CWC27: variants seen among roughly 807,000 people sequenced by gnomAD.
CWC27 encodes the protein CWC27 spliceosome associated cyclophilin, also known as spliceosome-associated protein CWC27 homolog.
CWC27 carries 47 observed loss-of-function variants against 63.6 expected under a neutral mutation model. The observed-to-expected ratio is 0.74, with a 90% CI of 0.58 to 0.94. CWC27 has a LOEUF of 0.94. Among genes scored for constraint, CWC27 ranks in the 40% least tolerant of loss-of-function variants. CWC27 has a pLI of 0.00. For synonymous variants in CWC27, 175 were observed against 179.8 expected, an observed-to-expected ratio of 0.97 and a Z score of 0.22; for missense variants, 495 against 554.3, an observed-to-expected ratio of 0.89 and a Z score of 1.07.
intron 11 of CWC27, among the ~76,000 whole-genome samples, chr5:64,938,407 T>C (rs1286884906): frequency 6.6e-6 from 1 of 152,168 alleles, no homozygotes; most frequent in Non-Finnish European, 1.5e-5. Flanking sequence ...GAAAATTCTT[T>C]TCCTTAAGAA....
intron 13 of CWC27, among the ~76,000 whole-genome samples, chr5:64,998,884 T>C (rs1341605847): frequency 6.6e-6 from 1 of 152,026 alleles, no homozygotes; most frequent in Non-Finnish European, 1.5e-5. Flanking sequence ...TTTTGTTTTT[T>C]TACCATTTGT....
chr5:64,878,256 T>A (rs1433034850), intron 10 of CWC27, among the ~76,000 whole-genome samples: 1 of 151,674 alleles, frequency 6.6e-6, no homozygotes. Flanking sequence ...TAAGTTGACA[T>A]TAGTTTTAAA....
At chr5:64,903,811 A>G (rs1747563233) in intron 11 of CWC27, among the ~76,000 whole-genome samples, 1 of 152,164 alleles carries the variant, frequency 6.6e-6, no homozygotes, top group African/African-American at 2.4e-5. Flanking sequence ...AGTTTCACCC[A>G]TTATTAATAT....
At chr5:64,994,273 C>T (rs1453213701) in intron 13 of CWC27, among the ~76,000 whole-genome samples, 2 of 152,014 alleles carry the variant, frequency 1.3e-5, no homozygotes, top group Non-Finnish European at 2.9e-5. Flanking sequence ...AGTATACTGT[C>T]AACATTTTTC....
At chr5:64,818,104 GATAA>G (rs1384750683) in intron 10 of CWC27, among the ~76,000 whole-genome samples, 1 of 152,030 alleles carries the variant, frequency 6.6e-6, no homozygotes, top group Non-Finnish European at 1.5e-5. Context: ...AAAATTATAT[GATAA>G]TTGGTGGGTT....
chr5:64,934,681 G>A (rs1748308632), intron 11 of CWC27, among the ~76,000 whole-genome samples: 1 of 151,990 alleles, frequency 6.6e-6, no homozygotes, highest in Admixed American at 6.6e-5. Flanking sequence ...TCACCACACT[G>A]TCTTCCACAA....
intron 13 of CWC27, among the ~76,000 whole-genome samples, chr5:64,985,991 A>C (rs1317621185): frequency 1.3e-5 from 2 of 152,038 alleles, no homozygotes; most frequent in African/African-American, 2.4e-5. Flanking sequence ...GATCATTGGG[A>C]TGGTTTCCCC....
At chr5:64,797,037 A>C (rs373409195) in intron 7 of CWC27, among the ~76,000 whole-genome samples, 2 of 137,944 alleles carry the variant, frequency 1.4e-5, no homozygotes, top group African/African-American at 5.5e-5. Flanking sequence ...GTTCTTGGAT[A>C]TGAAGTTCCA....
intron 13 of CWC27, among the ~76,000 whole-genome samples, chr5:64,990,205 A>C (rs981835505): frequency 1.4e-5 from 2 of 146,440 alleles, no homozygotes; most frequent in African/African-American, 2.5e-5. Context: ...ATTATGCTTT[A>C]TGTAGCCTTT....
intron 11 of CWC27, among the ~76,000 whole-genome samples, chr5:64,946,643 A>G (rs536205088): frequency 3.3e-5 from 5 of 151,672 alleles, no homozygotes; most frequent in African/African-American, 1.2e-4. Context: ...GAATGAATAC[A>G]TCTATGTTGA....
At chr5:64,970,122 T>C (rs1749090035) in intron 11 of CWC27, among the ~76,000 whole-genome samples, 1 of 152,144 alleles carries the variant, frequency 6.6e-6, no homozygotes, top group Non-Finnish European at 1.5e-5. Flanking sequence ...TGCTTGCTCT[T>C]TATCCCAGGA....
chr5:64,945,356 A>T (rs1427133002), intron 11 of CWC27, among the ~76,000 whole-genome samples: 1 of 152,138 alleles, frequency 6.6e-6, no homozygotes, highest in Non-Finnish European at 1.5e-5. Flanking sequence ...ACAGTGTTTG[A>T]CATTCTCCAA....
At chr5:64,888,743 G>T (rs1747148211) in intron 11 of CWC27, among the ~76,000 whole-genome samples, 1 of 151,840 alleles carries the variant, frequency 6.6e-6, no homozygotes, top group Admixed American at 6.6e-5. Context: ...AATAACTGTT[G>T]CCAATAAGCA....
chr5:64,798,563 A>G (rs1011712332), intron 7 of CWC27, among the ~76,000 whole-genome samples: 38 of 152,194 alleles, frequency 2.5e-4, no homozygotes, highest in African/African-American at 9.2e-4. Flanking sequence ...TTAAAACTAC[A>G]AATAATAGCA....
chr5:64,836,906 A>G (rs1258755529), intron 10 of CWC27, among the ~76,000 whole-genome samples: 1 of 152,046 alleles, frequency 6.6e-6, no homozygotes, highest in Non-Finnish European at 1.5e-5. Flanking sequence ...ACGTGGTAAT[A>G]TTTCTGTTCC....
intron 10 of CWC27, among the ~76,000 whole-genome samples, chr5:64,846,993 CAAAAAAAAAA>C (rs35090437): frequency 1.2e-5 from 1 of 86,178 alleles, no homozygotes; most frequent in African/African-American, 4.7e-5. Flanking sequence ...GACTCCATCT[CAAAAAAAAAA>C]AAAAAAAAGA....
chr5:64,822,768 G>C (rs1745241113), intron 10 of CWC27, among the ~76,000 whole-genome samples: 1 of 152,060 alleles, frequency 6.6e-6, no homozygotes, highest in South Asian at 2.1e-4. Flanking sequence ...TTCAAGGCTG[G>C]ATTAATATTG....
chr5:64,813,710 A>G (rs1464254536), intron 10 of CWC27, among the ~76,000 whole-genome samples: 1 of 152,202 alleles, frequency 6.6e-6, no homozygotes, highest in African/African-American at 2.4e-5. Flanking sequence ...CGGAACAAAT[A>G]TAGTCATGTT....
At chr5:64,874,479 T>C (rs986681433) in intron 10 of CWC27, among the ~76,000 whole-genome samples, 4 of 151,854 alleles carry the variant, frequency 2.6e-5, no homozygotes, top group African/African-American at 9.7e-5. Context: ...TTTTTTTTGT[T>C]TGTTTTTTAG....
Sources: allele counts gnomAD v4.1 joint callset (sites outside exome capture counted in the v4.1 genomes callset), GRCh38; gene constraint gnomAD v4.1.1; transcripts MANE v1.5; gene names NCBI Gene and HGNC (gene_info 2026-07-23, HGNC 2026-07-21).